Variants in KIRREL3 observed in about 807,000 individuals in gnomAD.
KIRREL3 encodes kirre like nephrin family adhesion molecule 3, also known as kin of IRRE-like protein 3.
Under a neutral mutation model 89.7 loss-of-function variants are expected in KIRREL3, and 36 were observed. The observed-to-expected ratio is 0.40, with a 90% CI of 0.31 to 0.53. KIRREL3 has a LOEUF of 0.53. Ranked by LOEUF, KIRREL3 falls within the 20% of genes least tolerant of loss-of-function variation. KIRREL3 has a pLI of 0.49. For missense variants in KIRREL3, 864 were observed against 1,056.6 expected, an observed-to-expected ratio of 0.82 and a Z score of 2.53; for synonymous variants, 445 against 441.4, an observed-to-expected ratio of 1.01 and a Z score of -0.10.
At chr11:126,939,708 G>T (rs1005325887) in intron 1 of KIRREL3, among the ~76,000 whole-genome samples, 1 of 152,130 alleles carries the variant, frequency 6.6e-6, no homozygotes, top group Admixed American at 6.5e-5. Flanking sequence ...ACCCAAACTT[G>T]CCCTTGGTCC....
chr11:126,671,473 C>A (rs1945946017), intron 1 of KIRREL3, among the ~76,000 whole-genome samples: 1 of 152,080 alleles, frequency 6.6e-6, no homozygotes, highest in East Asian at 1.9e-4. Context: ...TGAAGACATT[C>A]TTAACATGTG....
intron 1 of KIRREL3, among the ~76,000 whole-genome samples, chr11:126,951,239 A>G (rs1385384254): frequency 6.6e-6 from 1 of 152,188 alleles, no homozygotes; most frequent in Non-Finnish European, 1.5e-5. Context: ...AACAGAAGAA[A>G]CAGAAAAGGC....
In KIRREL3 at chr11:126,993,201, T is replaced by A. The variant is rs1950085764; in HGVS notation, c.55+7254A>T. On this transcript the variant is annotated intron_variant, in intron 1 of 16. Transcript: ENST00000525144. This position sits in a 1 kb window ranked among gnomAD's most constrained non-coding sequence, Gnocchi z 6.1. ...ACAAACCCATAGGCTACTAGCAATG[T>A]TTCTCAGGTGTTTACTTAATTATCT... Among the ~76,000 whole-genome samples the A allele has an allele frequency of 6.6e-6, 1 of 152,160 alleles. No individual in the cohort carries two copies. The highest frequency in any genetic ancestry group is 1.5e-5 in the Non-Finnish European group (1 of 68,026).
chr11:126,565,369 T>C lies in KIRREL3; in HGVS notation c.56-2457A>G, dbSNP rs491536. Among the ~76,000 whole-genome samples, 100,817 of 151,994 alleles carry C rather than the reference T, an allele frequency of 0.66. 33,931 individuals are homozygous for C. Among genetic ancestry groups the C allele is most frequent in the East Asian group, 0.93 (4,786 of 5,164 alleles). On this transcript the variant is annotated intron_variant, in intron 1 of 16. Transcript: ENST00000525144. The surrounding 1 kb of genome is among the most constrained non-coding windows in gnomAD (Gnocchi z 5.4). ...ATAACTAAGAGTCTCACTGATTATG[T>C]TTGATTTTTGCAAATGAGCAGGAAA...
At position 126,655,979 on chromosome 11, in the gene KIRREL3, AG is replaced by A. The variant is rs2134990938; in HGVS notation, c.56-93068del. The A allele has an allele frequency of 4.2e-6, 1 of 237,362 alleles. No homozygotes were observed. The highest frequency in any genetic ancestry group is 5.1e-5 in the Admixed American group (1 of 19,482). 14.7% of individuals were successfully genotyped at this position (237,362 alleles called of 1,614,324 possible). The stretch of plus-strand genomic sequence containing the variant: ...TCTAAAAGGTGGGTGGGGCTGAAGG[AG>A]GGGTGGGAGGAGGCCTTAGAAGCTA... On this transcript the variant is annotated intron_variant, in intron 1 of 16. Coordinates refer to ENST00000525144, the MANE Select transcript of KIRREL3 (RefSeq NM_032531.4). The surrounding 1 kb of genome is among the most constrained non-coding windows in gnomAD (Gnocchi z 5.0).
chr11:126,563,977 C>T lies in KIRREL3; in HGVS notation c.56-1065G>A, dbSNP rs60037787. Among the ~76,000 whole-genome samples, 7,664 of 152,284 alleles carry T rather than the reference C, an allele frequency of 0.05. 622 individuals carry two copies. Among genetic ancestry groups the T allele is most frequent in the African/African-American group, 0.17 (7,126 of 41,518 alleles). ...ATGTTAAATGACTTCCCACGATTGTCTTAGACCCCCACCCCACCTTGTAGC... is the reference window on the plus strand; with the variant it reads ...ATGTTAAATGACTTCCCACGATTGTTTTAGACCCCCACCCCACCTTGTAGC... On this transcript the variant is annotated intron_variant, in intron 1 of 16. Transcript: ENST00000525144. The surrounding 1 kb of genome is among the most constrained non-coding windows in gnomAD (Gnocchi z 6.8).
chr11:126,863,558 TGTGA>T (rs569115831), intron 1 of KIRREL3, among the ~76,000 whole-genome samples: 151 of 147,038 alleles, frequency 1.0e-3, no homozygotes, highest in African/African-American at 3.2e-3. Flanking sequence ...TGAGTGCATG[TGTGA>T]GTGTGTTTGA....
intron 13 of KIRREL3, among the ~76,000 whole-genome samples, chr11:126,434,928 A>C (rs77543416): frequency 6.6e-6 from 1 of 152,146 alleles, no homozygotes; most frequent in Admixed American, 6.5e-5. Context: ...GAAGGCAGTC[A>C]GGACAGGGGC....
chr11:126,463,032 TG>T lies in KIRREL3; in HGVS notation c.742+124del. On this transcript the variant is annotated intron_variant, in intron 6 of 16. Coordinates refer to ENST00000525144, the MANE Select transcript of KIRREL3 (RefSeq NM_032531.4). This position sits in a 1 kb window ranked among gnomAD's most constrained non-coding sequence, Gnocchi z 5.9. ...GTCCTTCCTGTCCGTATCTACAAGCTGGCCAATCCACAGAGCTGCCTGACCC... is the reference window on the plus strand; with the variant it reads ...GTCCTTCCTGTCCGTATCTACAAGCTGCCAATCCACAGAGCTGCCTGACCC... The T allele has an allele frequency of 1.2e-6, 1 of 849,022 alleles. No individual in the cohort carries two copies. The highest frequency in any genetic ancestry group is 1.8e-6 in the Non-Finnish European group (1 of 541,476). 52.6% of individuals were successfully genotyped at this position (849,022 alleles called of 1,614,324 possible).
Position 126,445,027 on chromosome 11 carries a change from C to T in KIRREL3, c.1204G>A (p.Val402Met). The change falls in exon 10 of 17, where the codon GTG (valine) becomes ATG (methionine). Residue 402 changes from valine (V) to methionine (M), a missense_variant. By Grantham distance (21) the Val-to-Met change is conservative. Coordinates refer to ENST00000525144, the MANE Select transcript of KIRREL3 (RefSeq NM_032531.4). ...DAGKYVCRAV[V>M]PRVGAGEREV... is the part of the protein sequence containing the mutation. ...CTCTCCCCGGCTCCCACACGGGGCA[C>T]CACAGCCCGGCACACGTACTTGCCC... 1 of 1,614,000 alleles carries T rather than the reference C, an allele frequency of 6.2e-7. No individual in the cohort carries two copies. Among genetic ancestry groups the T allele is most frequent in the East Asian group, 2.2e-5 (1 of 44,876 alleles).
intron 1 of KIRREL3, among the ~76,000 whole-genome samples, chr11:126,968,343 G>T (rs1469731317): frequency 6.6e-6 from 1 of 152,146 alleles, no homozygotes. Context: ...ATGGCAAAAT[G>T]CAAAAGAAAG....
rs1282316323 is a variant in KIRREL3 at position 126,471,100 on chromosome 11, G to A, written c.591+2209C>T. 6.6e-6 allele frequency among the ~76,000 whole-genome samples: 1 copy of A among 152,198 alleles called. No homozygotes were observed. The highest frequency in any genetic ancestry group is 1.5e-5 in the Non-Finnish European group (1 of 68,032). On this transcript the variant is annotated intron_variant, in intron 5 of 16. Transcript: ENST00000525144. The surrounding 1 kb of genome is among the most constrained non-coding windows in gnomAD (Gnocchi z 5.4). ...CGGCCGGGCGCAGTGGCTCAGTCCT[G>A]TAATCCCAGCACTTTGGGAGGCTGA... is the stretch of plus-strand genomic sequence containing the variant.
chr11:126,593,747 T>C (rs1478220267), intron 1 of KIRREL3, among the ~76,000 whole-genome samples: 1 of 152,118 alleles, frequency 6.6e-6, no homozygotes, highest in Non-Finnish European at 1.5e-5. Context: ...AGAGAGAACA[T>C]TCATAGCTTT....
rs1943824196 is a variant in KIRREL3 at position 126,837,583 on chromosome 11, ATCCAGGAACTTACT to A, written c.55+162858_55+162871del. Among the ~76,000 whole-genome samples the A allele has an allele frequency of 6.6e-6, 1 of 152,214 alleles. No individual in the cohort carries two copies. Among genetic ancestry groups the A allele is most frequent in the African/African-American group, 2.4e-5 (1 of 41,448 alleles). Reference sequence around the variant, plus strand: ...TCCCACCTCTTCCAATCCTCGCTACATCCAGGAACTTACTCTGCTGTGAAAGTGTCACAGCAACA... The same window carrying A: ...TCCCACCTCTTCCAATCCTCGCTACACTGCTGTGAAAGTGTCACAGCAACA... On this transcript the variant is annotated intron_variant, in intron 1 of 16. Coordinates refer to ENST00000525144, the MANE Select transcript of KIRREL3 (RefSeq NM_032531.4). This position sits in a 1 kb window ranked among gnomAD's most constrained non-coding sequence, Gnocchi z 4.7.
chr11:126,929,011 T>A (rs548918929), intron 1 of KIRREL3, among the ~76,000 whole-genome samples: 5 of 151,838 alleles, frequency 3.3e-5, no homozygotes, highest in Admixed American at 1.3e-4. Flanking sequence ...GAGAGAAAAA[T>A]CAGAGATAGA....
chr11:126,559,074 A>T (rs1591736685), intron 2 of KIRREL3, among the ~76,000 whole-genome samples: 1 of 151,814 alleles, frequency 6.6e-6, no homozygotes, highest in East Asian at 1.9e-4. Flanking sequence ...AAGGGAAACT[A>T]CCCCTGGGGA....
chr11:126,968,676 C>A (rs1351675554), intron 1 of KIRREL3, among the ~76,000 whole-genome samples: 1 of 152,238 alleles, frequency 6.6e-6, no homozygotes, highest in Admixed American at 6.5e-5. Flanking sequence ...GAAAGCTGCT[C>A]TAAGCTGGGT....
chr11:126,992,744 T>C (rs967535752), intron 1 of KIRREL3, among the ~76,000 whole-genome samples: 6 of 152,192 alleles, frequency 3.9e-5, no homozygotes, highest in African/African-American at 1.4e-4. Context: ...CCAGTGCTGT[T>C]TCCTCTTCTG....
At position 126,807,708 on chromosome 11, in the gene KIRREL3, A is replaced by G. The variant is rs1951247563; in HGVS notation, c.55+192747T>C. Among the ~76,000 whole-genome samples, 1 of 151,952 alleles carries G rather than the reference A, an allele frequency of 6.6e-6. No homozygotes were observed. Among genetic ancestry groups the G allele is most frequent in the Non-Finnish European group, 1.5e-5 (1 of 67,990 alleles). On this transcript the variant is annotated intron_variant, in intron 1 of 16. Transcript: ENST00000525144. The surrounding 1 kb of genome is among the most constrained non-coding windows in gnomAD (Gnocchi z 4.3). ...CTGGATTTTGAAAAATCGTCCTTTA[A>G]CCCATTTCTAGGAGGCTTCTGAGAT...
Sources: gnomAD v4.1 joint callset for allele counts (sites outside exome capture counted in the v4.1 genomes callset) on GRCh38, gnomAD v4.1.1 for gene constraint, Gnocchi (gnomAD v3.1) non-coding constraint, MANE v1.5 for transcripts, NCBI Gene and HGNC (gene_info 2026-07-23, HGNC 2026-07-21) for gene names.